OPTN: variants seen among roughly 807,000 people sequenced by gnomAD.
OPTN encodes the protein E3-14.7K-interacting protein.
OPTN carries 54 observed loss-of-function variants against 70.4 expected under a neutral mutation model. That is an observed-to-expected ratio of 0.77 (90% CI 0.62 to 0.96). The LOEUF is 0.96. Among genes scored for constraint, OPTN ranks in the 40% least tolerant of loss-of-function variants. OPTN has a pLI of 0.00. For synonymous variants in OPTN, 256 were observed against 248.5 expected (o/e 1.03, Z -0.28); for missense variants, 624 against 673.2 (o/e 0.93, Z 0.81).
intron 4 of OPTN, among the ~76,000 whole-genome samples, chr10:13,110,757 A>G (rs1009928934): frequency 6.6e-6 from 1 of 152,232 alleles, no homozygotes. Flanking sequence ...TATTCATTAT[A>G]GATGGTGCAG....
In OPTN at chr10:13,138,106, C is replaced by G. The variant is rs575498785; in HGVS notation, c.*1240C>G. 2 of 196,886 alleles carry G rather than the reference C, an allele frequency of 1.0e-5. No individual in the cohort carries two copies. Among genetic ancestry groups the G allele is most frequent in the South Asian group, 3.8e-4 (2 of 5,204 alleles). 12.2% of individuals were successfully genotyped at this position (196,886 alleles called of 1,614,324 possible). ...TAGTTCTATGGATATGAGCAGATCC[C>G]TTTACTGGAGCCCAGTATGTGCTGT... On this transcript the variant is annotated 3_prime_UTR_variant, in exon 15 of 15. Transcript: ENST00000378747.
Position 13,121,725 on chromosome 10 carries a change from T to C in OPTN, c.780-660T>C, listed in dbSNP as rs946959113. ...GGCTCAAAGGTCGGCCTTCTTGGGC[T>C]GGTAAGGCCCCACTCAGACCTGTAC... On this transcript the variant is annotated intron_variant, in intron 7 of 14. Transcript: ENST00000378747. Among the ~76,000 whole-genome samples the C allele has an allele frequency of 2.6e-5, 4 of 152,116 alleles. No individual in the cohort carries two copies. In the East Asian group the frequency reaches 7.7e-4, roughly 29 times the overall value.
intron 7 of OPTN, among the ~76,000 whole-genome samples, chr10:13,120,856 C>A (rs1024126540): frequency 1.3e-5 from 2 of 152,178 alleles, no homozygotes; most frequent in Non-Finnish European, 2.9e-5. Flanking sequence ...TTAACTGACT[C>A]ACAGTTCAGC....
Position 13,116,292 on chromosome 10 carries a change from A to C in OPTN, c.578A>C (p.Lys193Thr), listed in dbSNP as rs766458357. The stretch of plus-strand genomic sequence containing the variant: ...GAAGGAGAAGCAGAAGGGTCAGTAA[A>C]AGAAATCAAGCATAGTCCTGGGCCC... ...MAEGEAEGSVKEIKHSPGPTR... is the reference protein window; with the variant it reads ...MAEGEAEGSVTEIKHSPGPTR... The change falls in exon 6 of 15, where the codon AAA (lysine) becomes ACA (threonine). Residue 193 changes from lysine (K) to threonine (T), a missense_variant. Transcript: ENST00000378747. The C allele has an allele frequency of 1.9e-6, 3 of 1,613,270 alleles. No homozygotes were observed. In the South Asian group the frequency reaches 3.3e-5, roughly 18 times the overall value.
chr10:13,118,278 T>C (rs1339560155), intron 6 of OPTN, among the ~76,000 whole-genome samples: 2 of 152,218 alleles, frequency 1.3e-5, no homozygotes, highest in East Asian at 3.8e-4. Context: ...ATCATAGTCA[T>C]CCCTCATGTT....
chr10:13,104,585 G>T (rs1328407414), intron 1 of OPTN: 2 of 647,660 alleles, frequency 3.1e-6, no homozygotes, highest in African/African-American at 1.8e-5. Context: ...TCATTCCAAG[G>T]CTTCTAACAT....
intron 6 of OPTN, among the ~76,000 whole-genome samples, chr10:13,117,621 G>A (rs1833249544): frequency 6.6e-6 from 1 of 151,394 alleles, no homozygotes; most frequent in African/African-American, 2.4e-5. Flanking sequence ...AACTTTTTGT[G>A]TTTTTAATAG....
chr10:13,132,454 C>G (rs934363140), intron 13 of OPTN, among the ~76,000 whole-genome samples: 2 of 152,054 alleles, frequency 1.3e-5, no homozygotes, highest in Non-Finnish European at 2.9e-5. Flanking sequence ...CTTGTGGGAG[C>G]TTGATCAAGC....
chr10:13,118,463 G>T (rs1014403439), intron 6 of OPTN, among the ~76,000 whole-genome samples: 1 of 152,222 alleles, frequency 6.6e-6, no homozygotes, highest in Non-Finnish European at 1.5e-5. Context: ...GATGGTCTCT[G>T]TTAACTTGGA....
At chr10:13,121,010 AACTC>A (rs1484633894) in intron 7 of OPTN, among the ~76,000 whole-genome samples, 2 of 152,152 alleles carry the variant, frequency 1.3e-5, no homozygotes, top group African/African-American at 2.4e-5. Context: ...ATCTCATGAG[AACTC>A]ACTCACTATC....
chr10:13,114,929 ATT>A, intron 5 of OPTN, among the ~76,000 whole-genome samples: 1 of 69,700 alleles, frequency 1.4e-5, no homozygotes, highest in Non-Finnish European at 2.5e-5. Context: ...ATATATCTAT[ATT>A]TATATATATT....
chr10:13,115,624 C>A (rs1833188804), intron 5 of OPTN, among the ~76,000 whole-genome samples: 1 of 133,410 alleles, frequency 7.5e-6, no homozygotes, highest in Non-Finnish European at 1.5e-5. Flanking sequence ...ATTTCTATAT[C>A]TAAATATCTA....
chr10:13,122,934 C>A (rs1450155395), intron 8 of OPTN: 3 of 218,960 alleles, frequency 1.4e-5, no homozygotes, highest in Non-Finnish European at 1.9e-5. Flanking sequence ...CTCGGCCTCC[C>A]AGAGTGCTGG....
intron 6 of OPTN, among the ~76,000 whole-genome samples, chr10:13,117,279 A>C (rs954372253): frequency 6.6e-6 from 1 of 151,186 alleles, no homozygotes; most frequent in Non-Finnish European, 1.5e-5. Context: ...ATGGGGTTTC[A>C]CCGTGTTAGC....
At position 13,137,327 on chromosome 10, in the gene OPTN, G is replaced by A. The variant is rs541250740; in HGVS notation, c.*461G>A. The A allele has an allele frequency of 7.0e-4, 214 of 305,506 alleles. 1 individual carries two copies. Among genetic ancestry groups the A allele is most frequent in the Non-Finnish European group, 1.2e-3 (190 of 161,470 alleles). 18.9% of individuals were successfully genotyped at this position (305,506 alleles called of 1,614,324 possible). A position where few individuals can be genotyped will look rare whatever the true frequency, so the allele number is the denominator to read the frequency against. On this transcript the variant is annotated 3_prime_UTR_variant, in exon 15 of 15. Transcript: ENST00000378747. ...AGGAAGGAGAAGGAAGGAAGGAGAA[G>A]AAAAGGTACCTGTTCTACGTAGAAC...
chr10:13,113,622 G>A (rs1833059097), intron 5 of OPTN, among the ~76,000 whole-genome samples: 1 of 152,198 alleles, frequency 6.6e-6, no homozygotes, highest in Admixed American at 6.5e-5. Context: ...CTATTGAAGA[G>A]CAGAGCAGGT....
intron 6 of OPTN, among the ~76,000 whole-genome samples, chr10:13,118,178 C>T (rs1217682920): frequency 6.6e-6 from 1 of 152,188 alleles, no homozygotes; most frequent in African/African-American, 2.4e-5. Flanking sequence ...GTTGAAGCTT[C>T]AGAGTCCTGG....
rs985990402 is a variant in OPTN, at chr10:13,133,636, G to A, written c.1612+55G>A. 1.1e-5 allele frequency: 16 copies of A among 1,518,194 alleles called. No individual in the cohort carries two copies. In the African/African-American group the frequency reaches 2.2e-4, roughly 21 times the overall value. 94.0% of individuals were successfully genotyped at this position (1,518,194 alleles called of 1,614,324 possible). A position where few individuals can be genotyped will look rare whatever the true frequency, so the allele number is the denominator to read the frequency against. On this transcript the variant is annotated intron_variant, in intron 14 of 14. Transcript: ENST00000378747. ...GAAATAGCTATCCTATGAAAAAGAT[G>A]CTTGAAGAAAAATTCCACTTCATTC...
chr10:13,123,293 G>C (rs548468842), intron 8 of OPTN: 17 of 152,890 alleles, frequency 1.1e-4, no homozygotes, highest in African/African-American at 4.1e-4. Context: ...TAATGAAGCC[G>C]TGAAGGTTGA....
Sources: gnomAD v4.1 joint callset for allele counts (sites outside exome capture counted in the v4.1 genomes callset) on GRCh38, gnomAD v4.1.1 for gene constraint, MANE v1.5 for transcripts, NCBI Gene and HGNC (gene_info 2026-07-23, HGNC 2026-07-21) for gene names.